The following IGFL2 variants were observed in gnomAD, a reference collection of about 807,000 sequenced individuals.
The protein encoded by IGFL2 is IGF like family member 2.
A neutral mutation model predicts 13.9 loss-of-function variants in IGFL2; 7 were observed. That is an observed-to-expected ratio of 0.51 (90% CI 0.29 to 0.95). The LOEUF (loss-of-function observed/expected upper bound fraction) is 0.95, where lower values mean the gene tolerates loss of function less well. Among genes scored for constraint, IGFL2 ranks in the 40% least tolerant of loss-of-function variants. IGFL2 has a pLI of 0.08. For missense variants in IGFL2, 138 were observed against 147.8 expected (o/e 0.93, Z 0.34); for synonymous variants, 55 against 55.8 (o/e 0.99, Z 0.07).
intron 1 of IGFL2, 89 bp from the exon 2 acceptor site, chr19:46,160,326 G>A: frequency 8.5e-7 from 1 of 1,169,814 alleles, no homozygotes; most frequent in Admixed American, 2.0e-5. Context: ...CTGGAACTAA[G>A]CCTTCCCCAC....
chr19:46,123,634 T>A, the IGFL2 span, among the ~76,000 whole-genome samples: 1 of 150,994 alleles, frequency 6.6e-6, no homozygotes, highest in East Asian at 2.0e-4. Context: ...TGCATTTTTC[T>A]ACCAGCTGAG....
At chr19:46,200,473 C>CTTTTCTTTT in the IGFL2 span, among the ~76,000 whole-genome samples, 3 of 134,174 alleles carry the variant, frequency 2.2e-5, no homozygotes, top group Middle Eastern at 3.7e-3. Flanking sequence ...CACACCTGGC[C>CTTTTCTTTT]CTTTTCTTTT....
At chr19:46,123,428 G>A in the IGFL2 span, among the ~76,000 whole-genome samples, 4 of 150,930 alleles carry the variant, frequency 2.7e-5, no homozygotes, top group Non-Finnish European at 5.9e-5. Context: ...TTTAAGTAAA[G>A]TAAGGAAAAA....
chr19:46,179,835 G>A, the IGFL2 span, among the ~76,000 whole-genome samples: 2 of 152,108 alleles, frequency 1.3e-5, no homozygotes, highest in Admixed American at 6.5e-5. Flanking sequence ...AGAATTGCTT[G>A]ATCCCGGGAG....
chr19:46,157,412 A>G (rs1418451370), intron 1 of IGFL2, among the ~76,000 whole-genome samples: 1 of 152,238 alleles, frequency 6.6e-6, no homozygotes, highest in Non-Finnish European at 1.5e-5. Context: ...AGCAATATAA[A>G]AAAATACTTA....
chr19:46,120,662 C>T, the IGFL2 span, among the ~76,000 whole-genome samples: 1 of 150,822 alleles, frequency 6.6e-6, no homozygotes, highest in African/African-American at 2.5e-5. Context: ...AAAACCAATA[C>T]AGAGATATCA....
At chr19:46,132,426 A>G in the IGFL2 span, among the ~76,000 whole-genome samples, 1 of 152,240 alleles carries the variant, frequency 6.6e-6, no homozygotes, top group Non-Finnish European at 1.5e-5. Flanking sequence ...CATAAGTGAC[A>G]CAAACTTTGG....
chr19:46,149,864 A>G (rs1973378225), intron 1 of IGFL2, among the ~76,000 whole-genome samples: 2 of 152,062 alleles, frequency 1.3e-5, no homozygotes, highest in Non-Finnish European at 2.9e-5. Context: ...TTGCTTGAGA[A>G]CCTGTTTTCA....
the IGFL2 span, among the ~76,000 whole-genome samples, chr19:46,094,360 T>C: frequency 2.0e-5 from 3 of 152,122 alleles, no homozygotes; most frequent in Non-Finnish European, 2.9e-5. Context: ...AAAAAATATT[T>C]AGATTGATTT....
the IGFL2 span, chr19:46,209,291 G>A: frequency 6.6e-6 from 1 of 152,278 alleles, no homozygotes; most frequent in African/African-American, 2.4e-5. Context: ...GAGAATTGTT[G>A]CCTGAAGGTC....
the IGFL2 span, among the ~76,000 whole-genome samples, chr19:46,081,636 G>A: frequency 6.6e-6 from 1 of 152,134 alleles, no homozygotes. Context: ...CTAGCCCTCA[G>A]CCAGGAATTT....
At chr19:46,117,620 A>G in the IGFL2 span, among the ~76,000 whole-genome samples, 1 of 152,166 alleles carries the variant, frequency 6.6e-6, no homozygotes, top group Non-Finnish European at 1.5e-5. Context: ...CTGGGACTAC[A>G]TGCATGTGCC....
the IGFL2 span, among the ~76,000 whole-genome samples, chr19:46,131,927 A>G: frequency 2.0e-5 from 3 of 152,198 alleles, no homozygotes; most frequent in Non-Finnish European, 4.4e-5. Flanking sequence ...GAGCAGAGCG[A>G]GACTCCCTCT....
At chr19:46,201,028 T>A in the IGFL2 span, among the ~76,000 whole-genome samples, 1 of 152,182 alleles carries the variant, frequency 6.6e-6, no homozygotes, top group South Asian at 2.1e-4. Context: ...CAATAAAATG[T>A]TGCCACCCTT....
At chr19:46,079,142 G>A in the IGFL2 span, among the ~76,000 whole-genome samples, 2 of 152,222 alleles carry the variant, frequency 1.3e-5, no homozygotes, top group African/African-American at 4.8e-5. Context: ...AGTAGACATC[G>A]CGCAGGCGAT....
At chr19:46,207,986 C>T in the IGFL2 span, 3 of 152,162 alleles carry the variant, frequency 2.0e-5, no homozygotes, top group African/African-American at 7.2e-5. Flanking sequence ...GGGGTCTGAA[C>T]ACTTCAGCCA....
At chr19:46,168,730 A>G in the IGFL2 span, among the ~76,000 whole-genome samples, 5,427 of 152,266 alleles carry the variant, frequency 0.036, 149 homozygotes, top group East Asian at 0.071. Flanking sequence ...ATTCAGTGCA[A>G]CTTGCATCCA....
At chr19:46,079,587 C>T in the IGFL2 span, among the ~76,000 whole-genome samples, 1 of 152,180 alleles carries the variant, frequency 6.6e-6, no homozygotes, top group Non-Finnish European at 1.5e-5. Flanking sequence ...AGGCCTCAGG[C>T]GCTTTGGAAA....
upstream of IGFL2, among the ~76,000 whole-genome samples, chr19:46,146,549 T>C (rs557033983): frequency 2.0e-5 from 3 of 152,334 alleles, no homozygotes; most frequent in African/African-American, 7.2e-5. Flanking sequence ...TTGGAAAGAA[T>C]TGGCATCTTA....
Sources: gnomAD v4.1 joint callset for allele counts (sites outside exome capture counted in the v4.1 genomes callset) on GRCh38, gnomAD v4.1.1 for gene constraint, MANE v1.5 for transcripts, NCBI Gene and HGNC (gene_info 2026-07-23, HGNC 2026-07-21) for gene names.